Variants in XPR1 observed in about 807,000 individuals in gnomAD.
XPR1 encodes the protein solute carrier family 53 member 1.
In XPR1, 28 loss-of-function variants were observed where a neutral mutation model predicts 87.5. The observed-to-expected ratio is 0.32, with a 90% CI of 0.24 to 0.44. The LOEUF is 0.44. Among genes scored for constraint, XPR1 ranks in the 20% least tolerant of loss-of-function variants. The pLI is 1.00. For synonymous variants in XPR1, 300 were observed against 306.1 expected, an observed-to-expected ratio of 0.98 and a Z score of 0.21; for missense variants, 559 against 862.3, an observed-to-expected ratio of 0.65 and a Z score of 4.41.
intron 3 of XPR1, among the ~76,000 whole-genome samples, chr1:180,788,909 G>C (rs1266230624): frequency 6.6e-6 from 1 of 151,962 alleles, no homozygotes; most frequent in Non-Finnish European, 1.5e-5. Context: ...TTTTTTTCCT[G>C]GCTTGTCCAC....
intron 9 of XPR1, among the ~76,000 whole-genome samples, chr1:180,830,233 A>T (rs1428427348): frequency 6.6e-6 from 1 of 152,160 alleles, no homozygotes. Flanking sequence ...CTTCCTCACA[A>T]AAAGTTTGCT....
intron 1 of XPR1, among the ~76,000 whole-genome samples, chr1:180,679,023 G>A (rs1026527838): frequency 2.6e-5 from 4 of 151,802 alleles, no homozygotes; most frequent in East Asian, 1.9e-4. Context: ...GTGAAACCCC[G>A]TCTCTACTAA....
intron 11 of XPR1, among the ~76,000 whole-genome samples, chr1:180,850,183 G>A (rs1651820190): frequency 6.6e-6 from 1 of 152,154 alleles, no homozygotes; most frequent in African/African-American, 2.4e-5. Context: ...AAAATGAAAT[G>A]AAGGTTTATA....
chr1:180,830,352 A>G (rs1558029381), intron 9 of XPR1, among the ~76,000 whole-genome samples: 1 of 152,298 alleles, frequency 6.6e-6, no homozygotes, highest in Non-Finnish European at 1.5e-5. Flanking sequence ...ATGAAAGTAT[A>G]TCAGCACCAG....
At chr1:180,741,976 G>A (rs573619939) in intron 2 of XPR1, among the ~76,000 whole-genome samples, 18 of 152,230 alleles carry the variant, frequency 1.2e-4, no homozygotes, top group Admixed American at 1.1e-3. Flanking sequence ...TGTCTGCAAT[G>A]TCTGTAGTTC....
intron 4 of XPR1, among the ~76,000 whole-genome samples, chr1:180,804,411 A>G (rs1213097038): frequency 6.6e-6 from 1 of 152,200 alleles, no homozygotes; most frequent in East Asian, 1.9e-4. Flanking sequence ...AATCTTTCCA[A>G]TTTTACTGTC....
chr1:180,826,469 G>A (rs1056901587), intron 9 of XPR1, among the ~76,000 whole-genome samples: 5 of 152,012 alleles, frequency 3.3e-5, no homozygotes, highest in African/African-American at 2.4e-5. Flanking sequence ...GATTGCTTGA[G>A]CCAGGAACGT....
intron 1 of XPR1, among the ~76,000 whole-genome samples, chr1:180,647,724 A>AC (rs1309129390): frequency 4.6e-5 from 7 of 151,820 alleles, no homozygotes; most frequent in Non-Finnish European, 1.0e-4. Flanking sequence ...ACATGGTGAA[A>AC]CCCCATCTCT....
At chr1:180,715,012 C>A (rs913389223) in intron 2 of XPR1, among the ~76,000 whole-genome samples, 2 of 152,198 alleles carry the variant, frequency 1.3e-5, no homozygotes, top group Middle Eastern at 3.4e-3. Context: ...AGAAAAATCT[C>A]AAATTCTCTG....
rs78899709 is a variant in XPR1, at chr1:180,880,507, A to C, written c.2030+210A>C. Among the ~76,000 whole-genome samples the C allele has an allele frequency of 9.3e-3, 1,414 of 152,370 alleles. 17 individuals carry two copies. The highest frequency in any genetic ancestry group is 0.031 in the African/African-American group (1,292 of 41,590). On this transcript the variant is annotated intron_variant, in intron 14 of 14. Coordinates refer to ENST00000367590, the MANE Select transcript of XPR1 (RefSeq NM_004736.4). ...CACATAGAGTAAATGTCATCAGTGC[A>C]TAACCTAGTAATTTGGCACTAAAGA...
rs139129099 is a variant in XPR1 at position 180,783,780 on chromosome 1, C to T, written c.122-3973C>T. Among the ~76,000 whole-genome samples, 77 of 152,008 alleles carry T rather than the reference C, an allele frequency of 5.1e-4. No individual in the cohort carries two copies. The East Asian group carries it at 0.01, about 20-fold the overall frequency. ...TATTAAAAATAATGGTAAGGCTGGGCGTGGTGGCTCAAACCTGTAATCCCA... is the reference window on the plus strand; with the variant it reads ...TATTAAAAATAATGGTAAGGCTGGGTGTGGTGGCTCAAACCTGTAATCCCA... On this transcript the variant is annotated intron_variant, in intron 2 of 14. Transcript: ENST00000367590.
chr1:180,651,335 G>A (rs1047817577), intron 1 of XPR1, among the ~76,000 whole-genome samples: 1 of 152,010 alleles, frequency 6.6e-6, no homozygotes, highest in African/African-American at 2.4e-5. Flanking sequence ...CAGGTCATCT[G>A]CCCACCTCAG....
chr1:180,841,075 A>C (rs1269389064), intron 11 of XPR1, among the ~76,000 whole-genome samples: 1 of 152,200 alleles, frequency 6.6e-6, no homozygotes, highest in African/African-American at 2.4e-5. Context: ...TGTTTTAGAC[A>C]TGGCTTAAAA....
intron 7 of XPR1, among the ~76,000 whole-genome samples, chr1:180,823,837 A>G (rs1427029609): frequency 6.6e-6 from 1 of 152,218 alleles, no homozygotes; most frequent in African/African-American, 2.4e-5. Context: ...AAATGGAGAT[A>G]ATGGTTTTTA....
At chr1:180,809,435 T>TA (rs1203866456) in intron 6 of XPR1, among the ~76,000 whole-genome samples, 1 of 152,190 alleles carries the variant, frequency 6.6e-6, no homozygotes, top group African/African-American at 2.4e-5. Context: ...ACTTAGTCAG[T>TA]AAAGCAGTTT....
intron 13 of XPR1, chr1:180,877,943 C>A (rs560567012): frequency 1.3e-5 from 2 of 152,286 alleles, no homozygotes; most frequent in South Asian, 4.1e-4. Flanking sequence ...TCGTCTAAGT[C>A]AAGATCGACA....
intron 7 of XPR1, 87 bp from the exon 8 acceptor site, chr1:180,824,666 T>C: frequency 2.6e-6 from 3 of 1,148,192 alleles, no homozygotes; most frequent in Non-Finnish European, 3.7e-6. Context: ...ATGCCAGGGC[T>C]ATATCATTGA....
At chr1:180,719,069 G>A (rs1219777259) in intron 2 of XPR1, among the ~76,000 whole-genome samples, 3 of 152,164 alleles carry the variant, frequency 2.0e-5, no homozygotes, top group Non-Finnish European at 4.4e-5. Flanking sequence ...ACATAATTCT[G>A]ACCATTCAAT....
At chr1:180,658,046 C>G (rs913937052) in intron 1 of XPR1, among the ~76,000 whole-genome samples, 1 of 152,090 alleles carries the variant, frequency 6.6e-6, no homozygotes, top group African/African-American at 2.4e-5. Flanking sequence ...TTATTTGTAG[C>G]TATTGTAAAT....
Sources: allele counts gnomAD v4.1 joint callset (sites outside exome capture counted in the v4.1 genomes callset), GRCh38; gene constraint gnomAD v4.1.1; transcripts MANE v1.5; gene names NCBI Gene and HGNC (gene_info 2026-07-23, HGNC 2026-07-21).